FAM184A: variants seen among roughly 807,000 people sequenced by gnomAD.
FAM184A encodes the protein protein FAM184A.
In FAM184A, 99 loss-of-function variants were observed where a neutral mutation model predicts 143.8. That is an observed-to-expected ratio of 0.69 (90% CI 0.58 to 0.81). FAM184A has a LOEUF of 0.81. Among genes scored for constraint, FAM184A ranks in the 40% least tolerant of loss-of-function variants. The pLI, the probability that FAM184A is intolerant of heterozygous loss-of-function variation, is 0.00. For missense variants in FAM184A, 1,217 were observed against 1,310.5 expected, an observed-to-expected ratio of 0.93 and a Z score of 1.10; for synonymous variants, 427 against 446.4, an observed-to-expected ratio of 0.96 and a Z score of 0.55.
At chr6:119,100,660 A>G (rs539913852) in intron 1 of FAM184A, among the ~76,000 whole-genome samples, 2 of 145,900 alleles carry the variant, frequency 1.4e-5, no homozygotes, top group African/African-American at 2.8e-5. Context: ...TTTCTTGAAC[A>G]TTAAAAATAC....
rs751425737 is a variant in FAM184A at position 118,961,907 on chromosome 6, T to C, written c.3195A>G (p.Leu1065=). The C allele has an allele frequency of 3.0e-5, 49 of 1,613,810 alleles. 1 individual carries two copies. In the South Asian group the frequency reaches 5.2e-4, roughly 17 times the overall value. Residue 1065 remains leucine (L), a synonymous_variant, in exon 17 of 18, where the codon CTA becomes CTG. Transcript: ENST00000338891. ...CCACTCCACCAGATTCCAGAGCACT[T>C]AGATTGGGAACACTCACAAACCTGT... is the stretch of plus-strand genomic sequence containing the variant. ...PTNRFVSVPN[L]SALESGGVGN... is the part of the protein sequence containing the mutation.
rs34909667 is a variant in FAM184A at position 119,034,580 on chromosome 6, T to TAA, written c.160-9769_160-9768dup. On this transcript the variant is annotated intron_variant, in intron 1 of 17. Coordinates refer to ENST00000338891, the MANE Select transcript of FAM184A (RefSeq NM_024581.6). ...TTTAATATATAGTTTTTTTTTTTTT[T>TAA]AAAAAAACCTTTGCTTTTTGTTTTT... is the stretch of plus-strand genomic sequence containing the variant. Among the ~76,000 whole-genome samples the TAA allele has an allele frequency of 3.2e-3, 471 of 148,270 alleles. 1 individual carries two copies. The highest frequency in any genetic ancestry group is 6.5e-3 in the African/African-American group (267 of 40,772).
chr6:119,113,607 C>G (rs1388180823), intron 1 of FAM184A, among the ~76,000 whole-genome samples: 1 of 150,892 alleles, frequency 6.6e-6, no homozygotes, highest in Non-Finnish European at 1.5e-5. Flanking sequence ...GAGTACAGTA[C>G]AATAAGATAT....
rs1426190027 is a variant in FAM184A at position 118,960,161 on chromosome 6, G to A, written c.3365C>T (p.Pro1122Leu). The change falls in exon 18 of 18, where the codon CCA becomes CTA. Residue 1122 changes from proline to leucine, a missense_variant. Coordinates refer to ENST00000338891, the MANE Select transcript of FAM184A (RefSeq NM_024581.6). Reference protein sequence around the residue: ...FLSPAQSEASPVASPDPQRQE... With the variant: ...FLSPAQSEASLVASPDPQRQE... ...GCGCTGGGGATCTGGAGAAGCCACT[G>A]GAGAAGCTTCACTCTGAGCAGGACT... 1 of 1,613,138 alleles carries A rather than the reference G, an allele frequency of 6.2e-7. No individual in the cohort carries two copies. The highest frequency in any genetic ancestry group is 1.7e-5 in the Admixed American group (1 of 59,942).
chr6:118,994,457 C>T (rs1355435397), intron 9 of FAM184A, among the ~76,000 whole-genome samples: 1 of 151,816 alleles, frequency 6.6e-6, no homozygotes, highest in African/African-American at 2.4e-5. Context: ...GAGGCTGGGG[C>T]AGGTGGATCA....
At position 118,991,919 on chromosome 6, in the gene FAM184A, C is replaced by T. The variant is rs543351365; in HGVS notation, c.2088+10980G>A. On this transcript the variant is annotated intron_variant, in intron 9 of 17. Coordinates refer to ENST00000338891, the MANE Select transcript of FAM184A (RefSeq NM_024581.6). ...CTGGGACTACAGGCGCTGGCCACCA[C>T]GCCCGGCTAATTTTTTGTATTTTTT... Among the ~76,000 whole-genome samples the T allele has an allele frequency of 1.1e-4, 16 of 151,704 alleles. No individual in the cohort carries two copies. In the South Asian group the frequency reaches 1.5e-3, roughly 14 times the overall value.
chr6:119,022,053 CTTTTTTTTTTTTTTT>C (rs34128659), intron 3 of FAM184A, among the ~76,000 whole-genome samples: 2 of 84,392 alleles, frequency 2.4e-5, no homozygotes, highest in African/African-American at 9.1e-5. Flanking sequence ...TTCGTTCTTT[CTTTTTTTTTTTTTTT>C]TTTTTTTTTT....
intron 15 of FAM184A, among the ~76,000 whole-genome samples, chr6:118,965,205 G>GTTTTTTTTTTTTTTTTTTT (rs5879475): frequency 7.6e-6 from 1 of 131,032 alleles, no homozygotes. Context: ...TTTTTTGTTT[G>GTTTTTTTTTTTTTTTTTTT]TTTTTTTTTT....
chr6:119,017,010 G>A, intron 4 of FAM184A, 66 bp from the exon 5 acceptor site: 1 of 1,033,638 alleles, frequency 9.7e-7, no homozygotes, highest in Non-Finnish European at 1.4e-6. Flanking sequence ...AGGGTAATTT[G>A]AATACCCTAT....
intron 14 of FAM184A, among the ~76,000 whole-genome samples, chr6:118,973,131 C>T (rs969985062): frequency 4.6e-5 from 7 of 152,082 alleles, no homozygotes; most frequent in South Asian, 4.2e-4. Flanking sequence ...ACTAATGTAA[C>T]GATTCTGAAT....
chr6:119,094,787 G>A (rs574502550), intron 1 of FAM184A, among the ~76,000 whole-genome samples: 1 of 151,944 alleles, frequency 6.6e-6, no homozygotes, highest in Non-Finnish European at 1.5e-5. Flanking sequence ...AGGAGGGGAT[G>A]TTATTGAACT....
chr6:119,015,354 A>G (rs1040731164), intron 5 of FAM184A, among the ~76,000 whole-genome samples: 22 of 152,080 alleles, frequency 1.4e-4, no homozygotes, highest in African/African-American at 5.3e-4. Flanking sequence ...TTGAGGCTGC[A>G]CGCAGCACTT....
chr6:119,056,215 C>T (rs1181369224), intron 1 of FAM184A, among the ~76,000 whole-genome samples: 1 of 152,076 alleles, frequency 6.6e-6, no homozygotes, highest in African/African-American at 2.4e-5. Flanking sequence ...TTCAAATGTT[C>T]TATTCTAAAA....
Sources: gnomAD v4.1 joint callset for allele counts (sites outside exome capture counted in the v4.1 genomes callset) on GRCh38, gnomAD v4.1.1 for gene constraint, MANE v1.5 for transcripts, NCBI Gene and HGNC (gene_info 2026-07-23, HGNC 2026-07-21) for gene names.